Variants in CTNNA3 observed in about 807,000 individuals in gnomAD.
The protein encoded by CTNNA3 is catenin alpha 3.
A neutral mutation model predicts 95.7 loss-of-function variants in CTNNA3; 76 were observed. The ratio of observed to expected loss-of-function variants is 0.79; its 90% CI spans 0.66 to 0.96. CTNNA3 has a LOEUF of 0.96. Among genes scored for constraint, CTNNA3 ranks in the 40% least tolerant of loss-of-function variants. The pLI is 0.00. For synonymous variants in CTNNA3, 431 were observed against 374.4 expected (o/e 1.15, Z -1.74); for missense variants, 1,191 against 1,089.8 (o/e 1.09, Z -1.31).
rs148861266 is a variant in CTNNA3, at chr10:66,577,714, G to C, written c.1374+43978C>G. 1.8e-3 allele frequency among the ~76,000 whole-genome samples: 269 copies of C among 152,114 alleles called. 1 individual carries two copies. The highest frequency in any genetic ancestry group is 5.9e-3 in the African/African-American group (244 of 41,496). Reference sequence around the variant, plus strand: ...TTTTGTACCTGAATCATGCTGTTTTGGTTACTGCAGCCTTGTAGTATAGTT... The same window carrying C: ...TTTTGTACCTGAATCATGCTGTTTTCGTTACTGCAGCCTTGTAGTATAGTT... On this transcript the variant is annotated intron_variant, in intron 10 of 17. Coordinates refer to ENST00000433211, the MANE Select transcript of CTNNA3 (RefSeq NM_013266.4).
Position 65,988,728 on chromosome 10 carries a change from T to C in CTNNA3, c.2229A>G (p.Ser743=). 3.7e-6 allele frequency: 6 copies of C among 1,614,028 alleles called. No individual in the cohort carries two copies. The South Asian group carries it at 6.6e-5, about 18-fold the overall frequency. The change falls in exon 16 of 18, where the codon TCA becomes TCG. Residue 743 remains serine (S), a synonymous_variant. Transcript: ENST00000433211. The part of the protein sequence containing the change: ...YAAKMISESG[S]RMDVLARQIA... ...TCTGCCGAGCAAGGACATCCATCCTTGATCCTGATTCTGATATCATTTTCG... is the reference window on the plus strand; with the variant it reads ...TCTGCCGAGCAAGGACATCCATCCTCGATCCTGATTCTGATATCATTTTCG...
intron 1 of CTNNA3, among the ~76,000 whole-genome samples, chr10:67,656,679 T>C (rs977985748): frequency 3.9e-5 from 6 of 151,926 alleles, no homozygotes; most frequent in Non-Finnish European, 1.5e-5. Flanking sequence ...AGGGGACATC[T>C]GAGCAAGACT....
intron 15 of CTNNA3, among the ~76,000 whole-genome samples, chr10:66,023,505 T>G (rs1266271537): frequency 6.6e-6 from 1 of 152,182 alleles, no homozygotes; most frequent in Non-Finnish European, 1.5e-5. Context: ...CTATTTCCAG[T>G]AATGAAAAAT....
chr10:67,221,461 C>T (rs544449906), intron 5 of CTNNA3, among the ~76,000 whole-genome samples: 76 of 152,154 alleles, frequency 5.0e-4, no homozygotes, highest in Admixed American at 1.3e-3. Flanking sequence ...AGTTTCTTAG[C>T]CAAGTGGCAG....
chr10:67,675,935 C>T (rs944096007), intron 1 of CTNNA3, among the ~76,000 whole-genome samples: 3 of 151,892 alleles, frequency 2.0e-5, no homozygotes, highest in Non-Finnish European at 2.9e-5. Flanking sequence ...GAAATTATGT[C>T]CTATCCTAAG....
intron 1 of CTNNA3, among the ~76,000 whole-genome samples, chr10:67,694,109 C>A (rs1342588683): frequency 6.6e-6 from 1 of 152,178 alleles, no homozygotes; most frequent in Non-Finnish European, 1.5e-5. Flanking sequence ...TCTACATGGT[C>A]TTCTAATAAA....
At chr10:66,296,362 T>C (rs1373461825) in intron 12 of CTNNA3, among the ~76,000 whole-genome samples, 3 of 152,144 alleles carry the variant, frequency 2.0e-5, no homozygotes, top group Non-Finnish European at 4.4e-5. Context: ...ATTTTCTGAT[T>C]CATCACCATA....
chr10:66,419,290 C>T (rs1005192146), intron 11 of CTNNA3, among the ~76,000 whole-genome samples: 1 of 151,936 alleles, frequency 6.6e-6, no homozygotes, highest in Admixed American at 6.6e-5. Context: ...AACAGCAATC[C>T]CATTTCCACT....
intron 14 of CTNNA3, among the ~76,000 whole-genome samples, chr10:66,083,653 C>G (rs1445112373): frequency 1.3e-5 from 2 of 152,184 alleles, no homozygotes; most frequent in African/African-American, 4.8e-5. Flanking sequence ...CTGGCTTATT[C>G]TTCTACGCTA....
chr10:66,471,769 T>G (rs144398645), intron 11 of CTNNA3, among the ~76,000 whole-genome samples: 1 of 152,008 alleles, frequency 6.6e-6, no homozygotes, highest in East Asian at 1.9e-4. Context: ...TTATTGTTGT[T>G]TGACTATTCA....
intron 7 of CTNNA3, among the ~76,000 whole-genome samples, chr10:67,117,866 TAGA>T (rs2131985792): frequency 6.6e-6 from 1 of 152,130 alleles, no homozygotes; most frequent in South Asian, 2.1e-4. Flanking sequence ...ATTAATGACT[TAGA>T]AGAGTTCTGA....
Position 66,575,855 on chromosome 10 carries a change from G to C in CTNNA3, c.1374+45837C>G, listed in dbSNP as rs7091874. Among the ~76,000 whole-genome samples, 377 of 152,226 alleles carry C rather than the reference G, an allele frequency of 2.5e-3. 1 individual carries two copies. The highest frequency in any genetic ancestry group is 8.6e-3 in the African/African-American group (357 of 41,532). ...AAGGACATCAAATACAATGAAAAAT[G>C]GGTGCCCCGCAAATCAATACATCTG... On this transcript the variant is annotated intron_variant, in intron 10 of 17. Transcript: ENST00000433211.
chr10:67,209,111 C>T lies in CTNNA3; in HGVS notation c.843+10496G>A, dbSNP rs531513437. On this transcript the variant is annotated intron_variant, in intron 6 of 17. Coordinates refer to ENST00000433211, the MANE Select transcript of CTNNA3 (RefSeq NM_013266.4). ...GTCACCAGGCTGGAGTCCAGTGGCACGATTTTGGCTCACTGCAACCTCTGC... is the reference window on the plus strand; with the variant it reads ...GTCACCAGGCTGGAGTCCAGTGGCATGATTTTGGCTCACTGCAACCTCTGC... 1.6e-4 allele frequency among the ~76,000 whole-genome samples: 24 copies of T among 152,186 alleles called. 1 individual carries two copies. The East Asian group carries it at 3.9e-3, about 25-fold the overall frequency.
intron 5 of CTNNA3, among the ~76,000 whole-genome samples, chr10:67,440,303 G>C (rs896966035): frequency 1.3e-4 from 20 of 152,152 alleles, no homozygotes; most frequent in African/African-American, 3.9e-4. Context: ...TGTGGTTTGA[G>C]GGCAAGCTCA....
chr10:67,441,921 T>A (rs563781130), intron 5 of CTNNA3, among the ~76,000 whole-genome samples: 2 of 152,164 alleles, frequency 1.3e-5, no homozygotes, highest in African/African-American at 4.8e-5. Flanking sequence ...AATGTTGTAA[T>A]TGTGGTGTGT....
At chr10:66,004,052 A>G (rs1233143472) in intron 15 of CTNNA3, among the ~76,000 whole-genome samples, 1 of 152,250 alleles carries the variant, frequency 6.6e-6, no homozygotes, top group South Asian at 2.1e-4. Flanking sequence ...CCAACATATA[A>G]GAATACAGGT....
At chr10:66,558,350 C>T (rs146554372) in intron 10 of CTNNA3, among the ~76,000 whole-genome samples, 2 of 152,202 alleles carry the variant, frequency 1.3e-5, no homozygotes, top group East Asian at 3.9e-4. Flanking sequence ...TTCTTTCCTA[C>T]TCTTGCCAAG....
At chr10:66,672,759 A>C (rs1241379574) in intron 9 of CTNNA3, among the ~76,000 whole-genome samples, 5 of 152,044 alleles carry the variant, frequency 3.3e-5, no homozygotes. Context: ...CTTAATACCA[A>C]GTGCTGTATA....
At chr10:65,957,892 G>C (rs2077765490) in intron 17 of CTNNA3, among the ~76,000 whole-genome samples, 1 of 152,094 alleles carries the variant, frequency 6.6e-6, no homozygotes, top group Non-Finnish European at 1.5e-5. Flanking sequence ...GAGTATCTTT[G>C]TGGTGTTCTC....
Sources: allele counts gnomAD v4.1 joint callset (sites outside exome capture counted in the v4.1 genomes callset), GRCh38; gene constraint gnomAD v4.1.1; transcripts MANE v1.5; gene names NCBI Gene and HGNC (gene_info 2026-07-23, HGNC 2026-07-21).